The following PHLPP2 variants were observed in gnomAD, a reference collection of about 807,000 sequenced individuals.
PHLPP2 encodes the protein PH domain leucine-rich repeat-containing protein phosphatase 2.
In PHLPP2, 66 loss-of-function variants were observed where a neutral mutation model predicts 124.9. That is an observed-to-expected ratio of 0.53 (90% confidence interval 0.43 to 0.65). The LOEUF (loss-of-function observed/expected upper bound fraction) is 0.65. Among genes scored for constraint, PHLPP2 ranks in the 30% least tolerant of loss-of-function variants. The probability of loss-of-function intolerance (pLI) is 0.00; values close to 1 mark genes in which losing one functional copy is unlikely to be tolerated. For synonymous variants in PHLPP2, 681 were observed against 624.7 expected, an observed-to-expected ratio of 1.09 and a Z score of -1.34; for missense variants, 1,685 against 1,600.4, an observed-to-expected ratio of 1.05 and a Z score of -0.90.
In PHLPP2 at chr16:71,691,638, T is replaced by C. The variant is rs1415289150; in HGVS notation, c.419-929A>G. Among the ~76,000 whole-genome samples, 4 of 152,090 alleles carry C rather than the reference T, an allele frequency of 2.6e-5. No individual in the cohort carries two copies. In the East Asian group the frequency reaches 7.7e-4, roughly 29 times the overall value. ...TAACTACAGGAGTACTCTAATTTTGTACATAATCCTCCATCTCTCTGCCAC... is the reference window on the plus strand; with the variant it reads ...TAACTACAGGAGTACTCTAATTTTGCACATAATCCTCCATCTCTCTGCCAC... On this transcript the variant is annotated intron_variant, in intron 3 of 18. Coordinates refer to ENST00000568954, the MANE Select transcript of PHLPP2 (RefSeq NM_015020.3).
At chr16:71,699,213 C>A (rs1379177322) in intron 3 of PHLPP2, among the ~76,000 whole-genome samples, 1 of 152,134 alleles carries the variant, frequency 6.6e-6, no homozygotes, top group African/African-American at 2.4e-5. Flanking sequence ...AGGTGCCCAG[C>A]AAAACCCCAC....
intron 2 of PHLPP2, among the ~76,000 whole-genome samples, chr16:71,711,510 T>G (rs1218664819): frequency 6.6e-6 from 1 of 152,156 alleles, no homozygotes; most frequent in East Asian, 1.9e-4. Context: ...AGTATAAGAA[T>G]GCCAGGATTC....
intron 3 of PHLPP2, among the ~76,000 whole-genome samples, chr16:71,692,565 TA>T (rs1279487585): frequency 6.6e-6 from 1 of 152,216 alleles, no homozygotes; most frequent in Admixed American, 6.5e-5. Context: ...CTATACAGGA[TA>T]AGCATTTCAC....
intron 2 of PHLPP2, among the ~76,000 whole-genome samples, chr16:71,705,811 T>A (rs2045269881): frequency 6.6e-6 from 1 of 152,184 alleles, no homozygotes; most frequent in African/African-American, 2.4e-5. Flanking sequence ...CACCCAGACC[T>A]CCTTATACAT....
At chr16:71,682,645 A>T (rs1240356330) in intron 5 of PHLPP2, among the ~76,000 whole-genome samples, 2 of 152,242 alleles carry the variant, frequency 1.3e-5, no homozygotes, top group African/African-American at 4.8e-5. Context: ...CACACAGCAC[A>T]CTGCTAAACA....
At chr16:71,668,075 C>A (rs2145323155) in intron 11 of PHLPP2, among the ~76,000 whole-genome samples, 1 of 152,186 alleles carries the variant, frequency 6.6e-6, no homozygotes, top group Non-Finnish European at 1.5e-5. Flanking sequence ...ATTCAAATTT[C>A]TTCTGATTTT....
At chr16:71,723,852 G>A (rs1258218244) in intron 1 of PHLPP2, 3 of 1,212,794 alleles carry the variant, frequency 2.5e-6, no homozygotes, top group South Asian at 5.9e-5. Context: ...GCGGGCCCCG[G>A]CTCCACCTCC....
At chr16:71,653,469 A>C (rs939294216) in intron 17 of PHLPP2, among the ~76,000 whole-genome samples, 3 of 152,178 alleles carry the variant, frequency 2.0e-5, no homozygotes, top group Admixed American at 1.3e-4. Context: ...TCCTAGAACA[A>C]CACTTTGAGA....
intron 1 of PHLPP2, among the ~76,000 whole-genome samples, chr16:71,722,277 C>CA (rs1320851096): frequency 3.3e-5 from 5 of 151,848 alleles, no homozygotes; most frequent in Non-Finnish European, 5.9e-5. Flanking sequence ...ACTAAAAATA[C>CA]AAAAAAATCA....
Position 71,714,709 on chromosome 16 carries a change from C to G in PHLPP2, c.87G>C (p.Lys29Asn). Residue 29 changes from lysine to asparagine, a missense_variant, in exon 2 of 19, where the codon AAG (lysine) becomes AAC (asparagine). Transcript: ENST00000568954. ...CTCCATAAAGGTAAACACAGCCTCT[C>G]TTTACATCTTCTCTTAGCCAGTCTC... ...RERDWLREDV[K>N]RGCVYLYGAD... The G allele has an allele frequency of 6.2e-7, 1 of 1,614,132 alleles. No individual in the cohort carries two copies. Among genetic ancestry groups the G allele is most frequent in the Non-Finnish European group, 8.5e-7 (1 of 1,180,000 alleles).
rs1201271342 is a variant in PHLPP2 at position 71,646,116 on chromosome 16, G to C, written c.*2774C>G. The C allele has an allele frequency of 6.6e-6, 1 of 152,666 alleles. No homozygotes were observed. The highest frequency in any genetic ancestry group is 1.5e-5 in the Non-Finnish European group (1 of 68,046). The allele number at this position is 152,666 out of a possible 1,614,324, so 9.5% of individuals were successfully genotyped here. Reference sequence around the variant, plus strand: ...CTGGGGAACACATCCTCTGGGTAAAGTACTCGGAAGTAAATTACATTCACC... The same window carrying C: ...CTGGGGAACACATCCTCTGGGTAAACTACTCGGAAGTAAATTACATTCACC... On this transcript the variant is annotated 3_prime_UTR_variant, in exon 19 of 19. Coordinates refer to ENST00000568954, the MANE Select transcript of PHLPP2 (RefSeq NM_015020.3).
At chr16:71,669,669 T>C (rs925622018) in intron 10 of PHLPP2, among the ~76,000 whole-genome samples, 3 of 152,140 alleles carry the variant, frequency 2.0e-5, no homozygotes, top group African/African-American at 7.2e-5. Context: ...TGGGATGGGA[T>C]GAGGGAAAGA....
chr16:71,708,263 T>C (rs1275823682), intron 2 of PHLPP2, among the ~76,000 whole-genome samples: 1 of 152,154 alleles, frequency 6.6e-6, no homozygotes, highest in African/African-American at 2.4e-5. Flanking sequence ...CTGAGGCAAC[T>C]GAAGAACCAC....
Position 71,649,866 on chromosome 16 carries a change from G to T in PHLPP2, c.2996C>A (p.Ala999Asp). 6.2e-7 allele frequency: 1 copy of T among 1,614,206 alleles called. No individual in the cohort carries two copies. ...TAATGGGTCTTGTACGTGACGTACA[G>T]CATTGACAGCTTCTGTGTAGGACAA... ...EHLSYTEAVN[A>D]VRHVQDPLAA... The change falls in exon 19 of 19, where the codon GCT becomes GAT. Residue 999 changes from alanine (A) to aspartate (D), a missense_variant. By Grantham distance (126) the Ala-to-Asp change is moderately radical. Transcript: ENST00000568954.
intron 3 of PHLPP2, chr16:71,698,690 A>C (rs2045198711): frequency 1.5e-5 from 7 of 463,046 alleles, no homozygotes; most frequent in Non-Finnish European, 2.9e-5. Context: ...CAGTTGGCTT[A>C]ACTGTCTGCA....
chr16:71,660,371 T>TC (rs1460719455), intron 13 of PHLPP2, among the ~76,000 whole-genome samples: 1 of 45,164 alleles, frequency 2.2e-5, no homozygotes, highest in Non-Finnish European at 3.9e-5. Flanking sequence ...AGACCTTGTC[T>TC]CAAAAAAAAA....
chr16:71,713,051 TTTC>T (rs1000644110), intron 2 of PHLPP2, among the ~76,000 whole-genome samples: 73 of 152,344 alleles, frequency 4.8e-4, no homozygotes, highest in Middle Eastern at 6.8e-3. Context: ...ATAAAAATAT[TTTC>T]TTCACATTTG....
chr16:71,650,164 G>A (rs2044686536), intron 18 of PHLPP2, 120 bp from the exon 19 acceptor site: 1 of 700,566 alleles, frequency 1.4e-6, no homozygotes, highest in African/African-American at 1.8e-5. Flanking sequence ...TTTTCCTATG[G>A]ATTAGTATAA....
rs1567610533 is a variant in PHLPP2, at chr16:71,649,617, C to T, written c.3245G>A (p.Ser1082Asn). 6.2e-7 allele frequency: 1 copy of T among 1,614,188 alleles called. No homozygotes were observed. The highest frequency in any genetic ancestry group is 2.2e-5 in the East Asian group (1 of 44,886). Reference sequence around the variant, plus strand: ...GCTCACCTCTGAGGTGGACATCTCACTGCTGAACTCAGAGGCAATCCCACT... The same window carrying T: ...GCTCACCTCTGAGGTGGACATCTCATTGCTGAACTCAGAGGCAATCCCACT... ...SSSGIASEFSSEMSTSEVSSE... is the reference protein window; with the variant it reads ...SSSGIASEFSNEMSTSEVSSE... The change falls in exon 19 of 19, where the codon AGT (serine) becomes AAT (asparagine). Residue 1082 changes from serine (S) to asparagine (N), a missense_variant. Ser to Asn is a conservative substitution (Grantham distance 46). Transcript: ENST00000568954.
Sources: gnomAD v4.1 joint callset for allele counts (sites outside exome capture counted in the v4.1 genomes callset) on GRCh38, gnomAD v4.1.1 for gene constraint, MANE v1.5 for transcripts, NCBI Gene and HGNC (gene_info 2026-07-23, HGNC 2026-07-21) for gene names.